PALM2AKAP2: variants seen among roughly 807,000 people sequenced by gnomAD.
The protein encoded by PALM2AKAP2 is PALM2-AKAP2 fusion protein.
A neutral mutation model predicts 71.5 loss-of-function variants in PALM2AKAP2; 37 were observed. The observed-to-expected ratio is 0.52, with a 90% confidence interval of 0.40 to 0.68. The LOEUF (loss-of-function observed/expected upper bound fraction) is 0.68. PALM2AKAP2 is among the 30% of genes least tolerant of loss of function. PALM2AKAP2 has a pLI of 0.00. For synonymous variants in PALM2AKAP2, 468 were observed against 478.8 expected (o/e 0.98, Z 0.29); for missense variants, 1,224 against 1,191.8 (o/e 1.03, Z -0.40).
intron 1 of PALM2AKAP2, among the ~76,000 whole-genome samples, chr9:109,681,813 G>A (rs1827740167): frequency 6.6e-6 from 1 of 152,100 alleles, no homozygotes; most frequent in South Asian, 2.1e-4. Context: ...TAATGATTTT[G>A]TAGGAGCCTC....
chr9:109,827,712 G>A (rs574596554), intron 1 of PALM2AKAP2, among the ~76,000 whole-genome samples: 1 of 151,998 alleles, frequency 6.6e-6, no homozygotes, highest in African/African-American at 2.4e-5. Flanking sequence ...TTATCTCATT[G>A]GCAGGCACTC....
At chr9:109,692,740 A>C (rs1675613727) in intron 1 of PALM2AKAP2, among the ~76,000 whole-genome samples, 1 of 152,068 alleles carries the variant, frequency 6.6e-6, no homozygotes, top group African/African-American at 2.4e-5. Context: ...TTACATTAGT[A>C]AATTAATTTG....
chr9:110,026,871 C>T (rs1833190181), intron 7 of PALM2AKAP2, among the ~76,000 whole-genome samples: 1 of 151,948 alleles, frequency 6.6e-6, no homozygotes, highest in African/African-American at 2.4e-5. Context: ...GGTGAAACCC[C>T]GTCTCTACTA....
In PALM2AKAP2 at chr9:110,145,101, C is replaced by T. The variant is rs553471570; in HGVS notation, c.2569+6562C>T. On this transcript the variant is annotated intron_variant, in intron 2 of 3. Transcript: ENST00000374525. ...TCTTATGCCCAACCCCTGCATTTTC[C>T]TGGGTCCTTCTTGATCCTCCTTTTA... Among the ~76,000 whole-genome samples the T allele has an allele frequency of 2.6e-5, 4 of 152,260 alleles. No individual in the cohort carries two copies. The East Asian group carries it at 7.7e-4, about 29-fold the overall frequency.
chr9:109,773,251 TC>T (rs1237251626), intron 1 of PALM2AKAP2, among the ~76,000 whole-genome samples: 9 of 152,158 alleles, frequency 5.9e-5, no homozygotes, highest in Non-Finnish European at 1.2e-4. Context: ...TCCTCCTGCC[TC>T]AGCCTCCTGA....
intron 1 of PALM2AKAP2, among the ~76,000 whole-genome samples, chr9:109,724,504 T>C (rs1156247761): frequency 7.2e-6 from 1 of 138,070 alleles, no homozygotes. Context: ...AAATTTATGG[T>C]AACTAAAACA....
intron 1 of PALM2AKAP2, among the ~76,000 whole-genome samples, chr9:109,809,048 G>A (rs1175387553): frequency 6.6e-6 from 1 of 152,258 alleles, no homozygotes; most frequent in Admixed American, 6.5e-5. Context: ...GAGGTGTGCT[G>A]CAGGGGTGGG....
At chr9:109,706,126 A>G (rs1828139945) in intron 1 of PALM2AKAP2, among the ~76,000 whole-genome samples, 1 of 152,174 alleles carries the variant, frequency 6.6e-6, no homozygotes, top group Non-Finnish European at 1.5e-5. Flanking sequence ...AAATTTTAAT[A>G]CCTTTTCAAA....
intron 1 of PALM2AKAP2, among the ~76,000 whole-genome samples, chr9:110,113,364 G>A (rs1283168908): frequency 6.6e-6 from 1 of 150,472 alleles, no homozygotes; most frequent in East Asian, 1.9e-4. Context: ...TCAGCCTCCC[G>A]GGTAGCTGGA....
chr9:109,795,529 G>A (rs1354820219), intron 1 of PALM2AKAP2, among the ~76,000 whole-genome samples: 1 of 152,222 alleles, frequency 6.6e-6, no homozygotes, highest in Non-Finnish European at 1.5e-5. Context: ...ATGGCAGATG[G>A]TTTTCAGCTC....
chr9:109,820,622 C>A (rs983469702), intron 1 of PALM2AKAP2, among the ~76,000 whole-genome samples: 1 of 152,216 alleles, frequency 6.6e-6, no homozygotes, highest in Non-Finnish European at 1.5e-5. Flanking sequence ...GCCACAGGGG[C>A]TGGTGATGTT....
chr9:109,913,731 G>T (rs1564207607), intron 3 of PALM2AKAP2, among the ~76,000 whole-genome samples: 1 of 151,068 alleles, frequency 6.6e-6, no homozygotes, highest in Non-Finnish European at 1.5e-5. Context: ...CACAATAACA[G>T]TGGCTTAAAC....
In PALM2AKAP2 at chr9:109,717,745, G is replaced by A. The variant is rs565390332; in HGVS notation, c.6-62743G>A. Among the ~76,000 whole-genome samples, 4 of 152,332 alleles carry A rather than the reference G, an allele frequency of 2.6e-5. No individual in the cohort carries two copies. In the East Asian group the frequency reaches 7.7e-4, roughly 29 times the overall value. On this transcript the variant is annotated intron_variant, in intron 1 of 6. Coordinates refer to the PALM2AKAP2 transcript ENST00000374531. ...TCCCTGAGGAGAGCTTGCAGGTTGG[G>A]CAGCCTAAGCCCTCGACAGAAAAGC...
chr9:110,042,783 T>G (rs982745748), intron 7 of PALM2AKAP2, among the ~76,000 whole-genome samples: 1 of 152,206 alleles, frequency 6.6e-6, no homozygotes, highest in African/African-American at 2.4e-5. Flanking sequence ...CTGAATTATT[T>G]TTTTAAAATT....
intron 3 of PALM2AKAP2, among the ~76,000 whole-genome samples, chr9:109,908,856 C>A (rs1177533962): frequency 1.4e-5 from 2 of 144,646 alleles, no homozygotes; most frequent in Non-Finnish European, 3.0e-5. Context: ...ATGGGAAAAT[C>A]TAACTCAGCA....
exon 2 of PALM2AKAP2, chr9:110,138,270 G>A (rs1228405142): frequency 6.2e-7 from 1 of 1,614,236 alleles, no homozygotes; most frequent in Non-Finnish European, 8.5e-7. Flanking sequence ...AGGCCCGAAG[G>A]AAGCTATTTC....
chr9:109,865,325 G>A (rs1406323014), intron 1 of PALM2AKAP2, among the ~76,000 whole-genome samples: 3 of 151,844 alleles, frequency 2.0e-5, no homozygotes, highest in East Asian at 3.9e-4. Context: ...TCTCAAACTC[G>A]TGACCTCGGG....
At chr9:109,651,654 G>T (rs1011390636) in intron 1 of PALM2AKAP2, among the ~76,000 whole-genome samples, 7 of 152,070 alleles carry the variant, frequency 4.6e-5, no homozygotes, top group East Asian at 1.9e-4. Flanking sequence ...GGACCTCAAG[G>T]TTCCAATATA....
chr9:109,905,556 C>T (rs922851728), intron 3 of PALM2AKAP2, among the ~76,000 whole-genome samples: 33 of 152,248 alleles, frequency 2.2e-4, no homozygotes, highest in African/African-American at 7.7e-4. Flanking sequence ...GCAGCACATG[C>T]AGGATGCAGC....
Sources: allele counts gnomAD v4.1 joint callset (sites outside exome capture counted in the v4.1 genomes callset), GRCh38; gene constraint gnomAD v4.1.1; transcripts MANE v1.5; gene names NCBI Gene and HGNC (gene_info 2026-07-23, HGNC 2026-07-21).